The following L3MBTL4 variants were observed in gnomAD, a reference collection of about 807,000 sequenced individuals.
L3MBTL4 encodes the protein lethal(3)malignant brain tumor-like protein 4.
Under a neutral mutation model 84.5 loss-of-function variants are expected in L3MBTL4, and 70 were observed. That is an observed-to-expected ratio of 0.83 (90% CI 0.68 to 1.01). The LOEUF is 1.01. L3MBTL4 is among the 50% of genes least tolerant of loss of function. The pLI is 0.00. For missense variants in L3MBTL4, 715 were observed against 754.8 expected (o/e 0.95, Z 0.62); for synonymous variants, 274 against 259.8 (o/e 1.05, Z -0.52).
intron 3 of L3MBTL4, among the ~76,000 whole-genome samples, chr18:6,305,171 T>G (rs2050526367): frequency 2.0e-5 from 3 of 152,346 alleles, no homozygotes; most frequent in Middle Eastern, 6.8e-3. Flanking sequence ...TACTGACCTA[T>G]GTTTAAACAA....
intron 12 of L3MBTL4, among the ~76,000 whole-genome samples, chr18:6,206,319 T>A (rs1020134230): frequency 7.2e-5 from 11 of 152,202 alleles, no homozygotes; most frequent in Admixed American, 4.6e-4. Context: ...TAAGAACAAC[T>A]AGTGCTACAT....
intron 1 of L3MBTL4, among the ~76,000 whole-genome samples, chr18:6,344,174 G>A (rs1163509728): frequency 6.6e-6 from 1 of 151,950 alleles, no homozygotes; most frequent in African/African-American, 2.4e-5. Context: ...AAAAAGAGAT[G>A]ATTCCAATAA....
rs547087433 is a variant in L3MBTL4 at position 6,196,358 on chromosome 18, C to T, written c.981+16791G>A. 3.3e-4 allele frequency among the ~76,000 whole-genome samples: 50 copies of T among 152,168 alleles called. No homozygotes were observed. The South Asian group carries it at 6.6e-3, about 20-fold the overall frequency. On this transcript the variant is annotated intron_variant, in intron 12 of 18. Transcript: ENST00000317931. ...ATTTTTAGTAAAGACGCGGTTTCAC[C>T]GTGTTGGCCAGGATGGTCTTGATCT...
intron 16 of L3MBTL4, among the ~76,000 whole-genome samples, chr18:6,059,452 T>A (rs1297683667): frequency 2.6e-5 from 4 of 152,228 alleles, no homozygotes; most frequent in African/African-American, 4.8e-5. Flanking sequence ...TAAAAATCCA[T>A]AAATCATAAT....
chr18:6,326,810 TGGGCATTCCAA>T (rs1306648081), intron 1 of L3MBTL4: 1 of 152,230 alleles, frequency 6.6e-6, no homozygotes, highest in African/African-American at 2.4e-5. Flanking sequence ...ATGTCATTAT[TGGGCATTCCAA>T]GGGCGTCAGC....
intron 8 of L3MBTL4, among the ~76,000 whole-genome samples, chr18:6,240,814 C>T (rs2047420226): frequency 6.6e-6 from 1 of 152,198 alleles, no homozygotes; most frequent in Non-Finnish European, 1.5e-5. Context: ...AGTGACACCG[C>T]CTGCCAGTGG....
In L3MBTL4 at chr18:6,087,904, C is replaced by G. The variant is rs543994904; in HGVS notation, c.1373+5451G>C. 9.9e-4 allele frequency among the ~76,000 whole-genome samples: 151 copies of G among 152,264 alleles called. 1 individual carries two copies. Among genetic ancestry groups the G allele is most frequent in the African/African-American group, 3.6e-3 (149 of 41,534 alleles). The stretch of plus-strand genomic sequence containing the variant: ...TCCTATACTCTAAATCTTATATAAG[C>G]CTCACATTTATGACCATTTTACAGG... On this transcript the variant is annotated intron_variant, in intron 15 of 18. Transcript: ENST00000317931.
intron 1 of L3MBTL4, among the ~76,000 whole-genome samples, chr18:6,364,257 A>G (rs2053837179): frequency 6.6e-6 from 1 of 151,944 alleles, no homozygotes; most frequent in Non-Finnish European, 1.5e-5. Flanking sequence ...GAATATAACT[A>G]TTTTCATTAA....
At chr18:6,152,595 G>A (rs1310197609) in intron 13 of L3MBTL4, among the ~76,000 whole-genome samples, 1 of 152,050 alleles carries the variant, frequency 6.6e-6, no homozygotes. Context: ...TATTTAATCA[G>A]ATTTTTGGTT....
intron 14 of L3MBTL4, among the ~76,000 whole-genome samples, chr18:6,107,835 G>A (rs2059061111): frequency 6.6e-6 from 1 of 152,306 alleles, no homozygotes; most frequent in South Asian, 2.1e-4. Flanking sequence ...CCTGCTCACA[G>A]ATTGGCCACT....
chr18:6,026,358 T>A (rs1466207224), intron 16 of L3MBTL4, among the ~76,000 whole-genome samples: 3 of 152,220 alleles, frequency 2.0e-5, no homozygotes, highest in African/African-American at 7.2e-5. Context: ...ACAATGCCAG[T>A]GTCTTATCTC....
intron 4 of L3MBTL4, among the ~76,000 whole-genome samples, chr18:6,274,699 G>A (rs2049008860): frequency 6.6e-6 from 1 of 152,120 alleles, no homozygotes; most frequent in Non-Finnish European, 1.5e-5. Context: ...TACTACTGAT[G>A]GCAATTTTAG....
At chr18:6,229,466 A>C (rs2145969981) in intron 10 of L3MBTL4, among the ~76,000 whole-genome samples, 1 of 152,172 alleles carries the variant, frequency 6.6e-6, no homozygotes, top group African/African-American at 2.4e-5. Flanking sequence ...GATGTATGGA[A>C]GTTTTTAATT....
Position 6,184,976 on chromosome 18 carries a change from T to C in L3MBTL4, c.982-13034A>G, listed in dbSNP as rs546022214. ...TTGTGCCAGTATAACTTGGGCAACC[T>C]AGTTAATGGCTATGTCATCGCCAGA... On this transcript the variant is annotated intron_variant, in intron 12 of 18. Transcript: ENST00000317931. Among the ~76,000 whole-genome samples, 93 of 152,326 alleles carry C rather than the reference T, an allele frequency of 6.1e-4. 1 individual carries two copies. Among genetic ancestry groups the C allele is most frequent in the Non-Finnish European group, 1.1e-3 (73 of 68,028 alleles).
intron 1 of L3MBTL4, among the ~76,000 whole-genome samples, chr18:6,333,506 C>T (rs1051513281): frequency 6.1e-5 from 9 of 148,484 alleles, no homozygotes; most frequent in East Asian, 2.0e-4. Context: ...ACCTGGGAGG[C>T]GGAGGTTGCA....
chr18:6,097,891 A>C (rs913272508), intron 14 of L3MBTL4, among the ~76,000 whole-genome samples: 1 of 152,012 alleles, frequency 6.6e-6, no homozygotes, highest in Non-Finnish European at 1.5e-5. Flanking sequence ...TAAACCTAGG[A>C]TGTGAGGCTC....
intron 1 of L3MBTL4, among the ~76,000 whole-genome samples, chr18:6,371,929 C>T (rs1414075672): frequency 6.6e-6 from 1 of 152,168 alleles, no homozygotes; most frequent in African/African-American, 2.4e-5. Context: ...TACCTTGACG[C>T]AATGAACACA....
intron 4 of L3MBTL4, among the ~76,000 whole-genome samples, chr18:6,274,430 A>C (rs1176012752): frequency 6.6e-6 from 1 of 152,164 alleles, no homozygotes; most frequent in African/African-American, 2.4e-5. Context: ...CCTGTTCTTG[A>C]ATTTCCATGA....
At chr18:6,060,979 T>C (rs1447813340) in intron 16 of L3MBTL4, among the ~76,000 whole-genome samples, 1 of 152,128 alleles carries the variant, frequency 6.6e-6, no homozygotes, top group Non-Finnish European at 1.5e-5. Flanking sequence ...CATGTGGAGG[T>C]TTTTGTACAA....
Sources: allele counts gnomAD v4.1 joint callset (sites outside exome capture counted in the v4.1 genomes callset), GRCh38; gene constraint gnomAD v4.1.1; transcripts MANE v1.5; gene names NCBI Gene and HGNC (gene_info 2026-07-23, HGNC 2026-07-21).